XKR6: variants seen among roughly 807,000 people sequenced by gnomAD.
The protein encoded by XKR6 is XK-related protein 6.
XKR6 carries 22 observed loss-of-function variants against 56.7 expected under a neutral mutation model. The ratio of observed to expected loss-of-function variants is 0.39; its 90% CI spans 0.28 to 0.55. The LOEUF is 0.55. XKR6 is among the 20% of genes least tolerant of loss of function. The pLI, the probability that XKR6 is intolerant of heterozygous loss-of-function variation, is 0.66. For missense variants in XKR6, 852 were observed against 889.0 expected, an observed-to-expected ratio of 0.96 and a Z score of 0.53; for synonymous variants, 524 against 387.8, an observed-to-expected ratio of 1.35 and a Z score of -4.13.
At chr8:11,118,546 T>C (rs984294063) in intron 1 of XKR6, among the ~76,000 whole-genome samples, 2 of 152,254 alleles carry the variant, frequency 1.3e-5, no homozygotes, top group African/African-American at 2.4e-5. Context: ...GGAGAGTGTA[T>C]GTGTCAAGGC....
At chr8:11,002,708 C>T (rs530361943) in intron 1 of XKR6, among the ~76,000 whole-genome samples, 7 of 152,354 alleles carry the variant, frequency 4.6e-5, no homozygotes, top group East Asian at 3.9e-4. Flanking sequence ...GCGAGTTCAA[C>T]GGCCCCAAGC....
chr8:10,973,333 C>A (rs1259535266), intron 1 of XKR6, among the ~76,000 whole-genome samples: 1 of 152,190 alleles, frequency 6.6e-6, no homozygotes, highest in Non-Finnish European at 1.5e-5. Context: ...CCCTGAAAAC[C>A]TGCAAGGGGT....
intron 1 of XKR6, chr8:11,108,765 C>T (rs965672430): frequency 1.1e-5 from 2 of 174,668 alleles, no homozygotes; most frequent in Non-Finnish European, 2.4e-5. Context: ...GATCACCGGC[C>T]AAGGTAAAAT....
intron 2 of XKR6, among the ~76,000 whole-genome samples, chr8:10,906,208 C>T (rs1300587024): frequency 6.6e-6 from 1 of 152,192 alleles, no homozygotes; most frequent in Non-Finnish European, 1.5e-5. Context: ...GGAGTATTTA[C>T]ACCACAGCAA....
chr8:11,152,781 T>C (rs1801330672), intron 1 of XKR6, among the ~76,000 whole-genome samples: 2 of 152,232 alleles, frequency 1.3e-5, no homozygotes, highest in African/African-American at 4.8e-5. Context: ...TTTCTGGTCA[T>C]TCCTTTCAGC....
intron 1 of XKR6, among the ~76,000 whole-genome samples, chr8:11,095,066 G>A (rs752315191): frequency 6.6e-6 from 1 of 152,172 alleles, no homozygotes; most frequent in Non-Finnish European, 1.5e-5. Context: ...AAAAAAGTAG[G>A]CTGATACAAA....
intron 1 of XKR6, among the ~76,000 whole-genome samples, chr8:11,005,915 C>A (rs1798358011): frequency 6.8e-6 from 1 of 146,550 alleles, no homozygotes; most frequent in Admixed American, 6.9e-5. Context: ...ACATTCTCAG[C>A]TCACTGCACA....
chr8:10,913,032 G>A (rs1489057925), intron 2 of XKR6, among the ~76,000 whole-genome samples: 8 of 136,456 alleles, frequency 5.9e-5, no homozygotes, highest in Non-Finnish European at 9.6e-5. Flanking sequence ...GAGAAAGGGT[G>A]TGTGTGCTTG....
At chr8:11,149,572 T>C (rs965346431) in intron 1 of XKR6, among the ~76,000 whole-genome samples, 6 of 151,564 alleles carry the variant, frequency 4.0e-5, no homozygotes, top group Non-Finnish European at 8.8e-5. Context: ...TATTAAAAGC[T>C]AATGAGATGA....
chr8:11,065,757 G>A (rs946531877), intron 1 of XKR6, among the ~76,000 whole-genome samples: 1 of 152,142 alleles, frequency 6.6e-6, no homozygotes, highest in African/African-American at 2.4e-5. Flanking sequence ...AACTCAGCCT[G>A]GGAACTGGAA....
chr8:11,194,453 T>C (rs1443511875), intron 1 of XKR6: 1 of 152,268 alleles, frequency 6.6e-6, no homozygotes, highest in East Asian at 1.9e-4. Context: ...TAAATGAGGT[T>C]ATATTTTCAT....
At chr8:11,052,753 G>A (rs931205412) in intron 1 of XKR6, among the ~76,000 whole-genome samples, 24 of 129,042 alleles carry the variant, frequency 1.9e-4, no homozygotes, top group South Asian at 2.6e-4. Context: ...CTTGCCCACC[G>A]GGAGTGAGCC....
chr8:10,901,100 G>C (rs531542167), intron 2 of XKR6, among the ~76,000 whole-genome samples: 1 of 145,168 alleles, frequency 6.9e-6, no homozygotes, highest in Non-Finnish European at 1.5e-5. Flanking sequence ...CTGTCACCCA[G>C]GCTGGAGTGC....
intron 1 of XKR6, among the ~76,000 whole-genome samples, chr8:11,051,499 T>C (rs1799547319): frequency 6.6e-6 from 1 of 152,182 alleles, no homozygotes; most frequent in Non-Finnish European, 1.5e-5. Flanking sequence ...TCCTTCGGGC[T>C]TCCCCAGCGG....
chr8:10,930,437 C>T (rs536945537), intron 1 of XKR6, among the ~76,000 whole-genome samples: 3 of 152,118 alleles, frequency 2.0e-5, no homozygotes, highest in Non-Finnish European at 4.4e-5. Flanking sequence ...AAACACTTCC[C>T]TATTCATTTT....
At chr8:10,928,252 A>G (rs1016886108) in intron 1 of XKR6, among the ~76,000 whole-genome samples, 12 of 152,146 alleles carry the variant, frequency 7.9e-5, no homozygotes, top group Admixed American at 2.6e-4. Flanking sequence ...CTTGTCCACC[A>G]CAACACGTGC....
intron 1 of XKR6, among the ~76,000 whole-genome samples, chr8:10,966,513 A>T (rs1469499804): frequency 6.6e-6 from 1 of 152,080 alleles, no homozygotes; most frequent in Non-Finnish European, 1.5e-5. Flanking sequence ...CTCTACTAAA[A>T]ATACAAAAAA....
intron 1 of XKR6, among the ~76,000 whole-genome samples, chr8:11,006,354 G>A (rs1239340889): frequency 6.6e-6 from 1 of 152,102 alleles, no homozygotes; most frequent in Non-Finnish European, 1.5e-5. Context: ...GGTATTATTA[G>A]GGTGGAGGGA....
At chr8:11,059,414 C>A (rs934826774) in intron 1 of XKR6, among the ~76,000 whole-genome samples, 4 of 152,218 alleles carry the variant, frequency 2.6e-5, no homozygotes, top group African/African-American at 7.2e-5. Context: ...CGAAGGGAGT[C>A]CCCGGCCGAG....
Sources: gnomAD v4.1 joint callset for allele counts (sites outside exome capture counted in the v4.1 genomes callset) on GRCh38, gnomAD v4.1.1 for gene constraint, MANE v1.5 for transcripts, NCBI Gene and HGNC (gene_info 2026-07-23, HGNC 2026-07-21) for gene names.